The following EYA2 variants were observed in gnomAD, a reference collection of about 807,000 sequenced individuals.
EYA2 encodes the protein protein phosphatase EYA2.
In EYA2, 31 loss-of-function variants were observed where a neutral mutation model predicts 69.2. The ratio of observed to expected loss-of-function variants is 0.45; its 90% CI spans 0.34 to 0.60. The LOEUF (loss-of-function observed/expected upper bound fraction) is 0.60. Among genes scored for constraint, EYA2 ranks in the 20% least tolerant of loss-of-function variants. EYA2 has a pLI of 0.02. For missense variants in EYA2, 622 were observed against 701.2 expected (o/e 0.89, Z 1.28); for synonymous variants, 257 against 279.4 (o/e 0.92, Z 0.80).
At chr20:47,118,296 A>T (rs2032957858) in intron 9 of EYA2, among the ~76,000 whole-genome samples, 3 of 152,230 alleles carry the variant, frequency 2.0e-5, no homozygotes. Flanking sequence ...GCTAATAAAG[A>T]AAGGATGACT....
chr20:46,919,417 G>T (rs1217912694), intron 1 of EYA2, among the ~76,000 whole-genome samples: 1 of 152,258 alleles, frequency 6.6e-6, no homozygotes, highest in African/African-American at 2.4e-5. Flanking sequence ...ATAACTTGCT[G>T]CAGTTTGTCC....
At chr20:47,147,449 A>G (rs2033725782) in intron 10 of EYA2, among the ~76,000 whole-genome samples, 1 of 152,168 alleles carries the variant, frequency 6.6e-6, no homozygotes, top group Admixed American at 6.5e-5. Context: ...GCACTGTGCA[A>G]AGGCCAAGGT....
At chr20:47,149,688 C>CAAAAAAAAAAAAAA (rs59780173) in intron 10 of EYA2, among the ~76,000 whole-genome samples, 2 of 102,704 alleles carry the variant, frequency 1.9e-5, no homozygotes, top group Non-Finnish European at 2.0e-5. Flanking sequence ...ACTAAAAATA[C>CAAAAAAAAAAAAAA]AAAAAAAAAA....
At chr20:46,975,684 G>T (rs532552813) in intron 1 of EYA2, among the ~76,000 whole-genome samples, 1 of 152,266 alleles carries the variant, frequency 6.6e-6, no homozygotes, top group African/African-American at 2.4e-5. Flanking sequence ...GGAGGCTGAG[G>T]CGGGTGGATC....
intron 5 of EYA2, among the ~76,000 whole-genome samples, chr20:47,035,073 A>G (rs979043392): frequency 3.3e-5 from 5 of 152,252 alleles, no homozygotes; most frequent in Non-Finnish European, 7.3e-5. Context: ...TAGGAGATGA[A>G]CATAGCCTTT....
intron 1 of EYA2, among the ~76,000 whole-genome samples, chr20:46,954,574 C>T (rs1330506594): frequency 6.6e-6 from 1 of 152,218 alleles, no homozygotes; most frequent in Non-Finnish European, 1.5e-5. Flanking sequence ...AGTTTTTATG[C>T]CACCTCTCTC....
intron 9 of EYA2, among the ~76,000 whole-genome samples, chr20:47,102,477 A>G (rs897308980): frequency 2.0e-5 from 3 of 152,264 alleles, no homozygotes; most frequent in Non-Finnish European, 2.9e-5. Context: ...GACAAGAACC[A>G]GCAGCACTTT....
chr20:46,941,677 G>C (rs1986161008), intron 1 of EYA2, among the ~76,000 whole-genome samples: 1 of 152,180 alleles, frequency 6.6e-6, no homozygotes, highest in Non-Finnish European at 1.5e-5. Flanking sequence ...TATCTTAAAG[G>C]CTTGTCCTGA....
chr20:47,094,051 C>G (rs1319556689), intron 8 of EYA2, among the ~76,000 whole-genome samples: 2 of 152,216 alleles, frequency 1.3e-5, no homozygotes, highest in African/African-American at 4.8e-5. Flanking sequence ...AGGACGCACC[C>G]TGGTCTGCAC....
chr20:47,027,987 A>G (rs1304310689), intron 5 of EYA2, among the ~76,000 whole-genome samples: 1 of 152,160 alleles, frequency 6.6e-6, no homozygotes, highest in Non-Finnish European at 1.5e-5. Context: ...GTTACCTCCA[A>G]TGTGATGGGT....
At chr20:47,101,842 T>C (rs531682004) in intron 9 of EYA2, among the ~76,000 whole-genome samples, 21 of 152,134 alleles carry the variant, frequency 1.4e-4, no homozygotes, top group Non-Finnish European at 2.5e-4. Context: ...CTACAGAAGT[T>C]GTGTAGTTGG....
intron 10 of EYA2, among the ~76,000 whole-genome samples, chr20:47,146,680 C>T (rs1370494685): frequency 6.6e-6 from 1 of 152,196 alleles, no homozygotes; most frequent in Non-Finnish European, 1.5e-5. Flanking sequence ...TGCAGCTGCC[C>T]AGGGAAGCTG....
At chr20:47,035,331 G>A (rs988957122) in intron 5 of EYA2, among the ~76,000 whole-genome samples, 2 of 152,206 alleles carry the variant, frequency 1.3e-5, no homozygotes, top group African/African-American at 4.8e-5. Context: ...GCCAATGCCA[G>A]CAAAGGTCAG....
At chr20:46,965,558 C>A (rs1463676372) in intron 1 of EYA2, among the ~76,000 whole-genome samples, 2 of 152,268 alleles carry the variant, frequency 1.3e-5, no homozygotes, top group African/African-American at 4.8e-5. Flanking sequence ...CTGGGCCTCA[C>A]GCCTCATAGC....
intron 4 of EYA2, among the ~76,000 whole-genome samples, chr20:47,012,888 G>T (rs1983158106): frequency 6.6e-6 from 1 of 152,198 alleles, no homozygotes; most frequent in Non-Finnish European, 1.5e-5. Flanking sequence ...GTTTCAGGAT[G>T]TTTACTTCTC....
intron 5 of EYA2, among the ~76,000 whole-genome samples, chr20:47,054,581 TAGACAGA>T (rs2030508655): frequency 6.6e-6 from 1 of 152,126 alleles, no homozygotes; most frequent in African/African-American, 2.4e-5. Context: ...CTAATGCGGA[TAGACAGA>T]AAATGAGCAC....
At chr20:47,086,926 G>A (rs945188340) in intron 7 of EYA2, among the ~76,000 whole-genome samples, 9 of 142,152 alleles carry the variant, frequency 6.3e-5, no homozygotes, top group African/African-American at 1.7e-4. Flanking sequence ...AATGGGGGGG[G>A]CAAACAAATG....
chr20:47,028,314 G>A (rs560966848), intron 5 of EYA2, among the ~76,000 whole-genome samples: 19 of 152,234 alleles, frequency 1.2e-4, no homozygotes, highest in Non-Finnish European at 2.6e-4. Flanking sequence ...TGTGACAGCA[G>A]CCTGCACTAA....
In EYA2 at chr20:47,018,105, A is replaced by G. The variant is rs188079599; in HGVS notation, c.415+1808A>G. 3.9e-5 allele frequency among the ~76,000 whole-genome samples: 6 copies of G among 152,308 alleles called. No homozygotes were observed. The East Asian group carries it at 9.6e-4, about 24-fold the overall frequency. ...GGCCCTGATAACAGGAGGTGTGTGA[A>G]GGTACTGAACTTCAACTTGTATTTG... On this transcript the variant is annotated intron_variant, in intron 5 of 15. Coordinates refer to ENST00000327619, the MANE Select transcript of EYA2 (RefSeq NM_005244.5).
Sources: allele counts gnomAD v4.1 joint callset (sites outside exome capture counted in the v4.1 genomes callset), GRCh38; gene constraint gnomAD v4.1.1; transcripts MANE v1.5; gene names NCBI Gene and HGNC (gene_info 2026-07-23, HGNC 2026-07-21).